The following PCGF5 variants were observed in gnomAD, a reference collection of about 807,000 sequenced individuals.
PCGF5 encodes polycomb group ring finger 5, also known as polycomb group RING finger protein 5.
Under a neutral mutation model 44.3 loss-of-function variants are expected in PCGF5, and 9 were observed. The observed-to-expected ratio is 0.20, with a 90% CI of 0.12 to 0.35. PCGF5 has a LOEUF of 0.35. Ranked by LOEUF, PCGF5 falls within the 10% of genes least tolerant of loss-of-function variation. The probability of loss-of-function intolerance (pLI) is 1.00; values close to 1 mark genes in which losing one functional copy is unlikely to be tolerated. For synonymous variants in PCGF5, 95 were observed against 102.5 expected (o/e 0.93, Z 0.44); for missense variants, 146 against 305.3 (o/e 0.48, Z 3.89).
At chr10:91,235,028 T>A (rs990579355) in intron 2 of PCGF5, among the ~76,000 whole-genome samples, 1 of 152,218 alleles carries the variant, frequency 6.6e-6, no homozygotes, top group Non-Finnish European at 1.5e-5. Flanking sequence ...TGATGATGGT[T>A]TAGCAGAGAG....
At chr10:91,176,638 C>G (rs1187642087) in intron 1 of PCGF5, among the ~76,000 whole-genome samples, 1 of 152,142 alleles carries the variant, frequency 6.6e-6, no homozygotes, top group African/African-American at 2.4e-5. Context: ...CTAAACTTCT[C>G]GCTTCATTTC....
chr10:91,161,369 G>A (rs1437021410), upstream of PCGF5, among the ~76,000 whole-genome samples: 3 of 152,224 alleles, frequency 2.0e-5, no homozygotes, highest in East Asian at 5.8e-4. Context: ...TAATGGGACT[G>A]CAAGCAGCGC....
At chr10:91,208,060 A>G (rs1212643184) in intron 1 of PCGF5, among the ~76,000 whole-genome samples, 1 of 152,210 alleles carries the variant, frequency 6.6e-6, no homozygotes, top group East Asian at 1.9e-4. Flanking sequence ...ACAACTATGT[A>G]AATATCCTCT....
chr10:91,278,118 T>A, intron 9 of PCGF5, 151 bp from the exon 10 acceptor site: 1 of 647,654 alleles, frequency 1.5e-6, no homozygotes, highest in Non-Finnish European at 2.6e-6. Context: ...AGAAATAGAG[T>A]TTTAATGGTA....
chr10:91,241,063 TTTTATTTA>T (rs888747231), intron 3 of PCGF5, among the ~76,000 whole-genome samples: 2 of 148,470 alleles, frequency 1.3e-5, no homozygotes, highest in African/African-American at 2.5e-5. Flanking sequence ...ATAATATATA[TTTTATTTA>T]TTTATTTATT....
intron 1 of PCGF5, among the ~76,000 whole-genome samples, chr10:91,195,483 T>TAG (rs751445131): frequency 0.042 from 4,277 of 102,058 alleles, 78 homozygotes; most frequent in South Asian, 0.081. Context: ...TATATATATA[T>TAG]ATAGAGAGAG....
chr10:91,237,135 G>T (rs940974449), intron 2 of PCGF5, among the ~76,000 whole-genome samples: 13 of 152,132 alleles, frequency 8.5e-5, no homozygotes, highest in African/African-American at 3.1e-4. Flanking sequence ...TCTATAAGAG[G>T]CCAAATGCTA....
chr10:91,176,054 G>C (rs1843701400), intron 1 of PCGF5, among the ~76,000 whole-genome samples: 1 of 152,150 alleles, frequency 6.6e-6, no homozygotes, highest in Non-Finnish European at 1.5e-5. Context: ...GGTACCGGTT[G>C]TTCCTTTCCA....
At chr10:91,188,130 G>A (rs895283563) in intron 1 of PCGF5, among the ~76,000 whole-genome samples, 3 of 152,226 alleles carry the variant, frequency 2.0e-5, no homozygotes, top group East Asian at 3.8e-4. Flanking sequence ...TGTGAGTGAC[G>A]CAGAAGACGG....
Position 91,226,192 on chromosome 10 carries a change from A to G in PCGF5, c.112+3209A>G, listed in dbSNP as rs1404545916. Among the ~76,000 whole-genome samples the G allele has an allele frequency of 2.0e-5, 3 of 151,690 alleles. No homozygotes were observed. In the East Asian group the frequency reaches 5.8e-4, roughly 29 times the overall value. On this transcript the variant is annotated intron_variant, in intron 2 of 9. Transcript: ENST00000336126. ...CTTACTATTCAAGTTTGAAATGCATAAATGAAGCTTTATAATTGGTGTGCA... is the reference window on the plus strand; with the variant it reads ...CTTACTATTCAAGTTTGAAATGCATGAATGAAGCTTTATAATTGGTGTGCA...
intron 2 of PCGF5, among the ~76,000 whole-genome samples, chr10:91,236,610 G>A (rs11186514): frequency 0.13 from 19,255 of 152,146 alleles, 2,256 homozygotes; most frequent in African/African-American, 0.31. Flanking sequence ...TAGAGAGTTT[G>A]GCATGAAATC....
chr10:91,214,560 C>CAT (rs2133258365), intron 1 of PCGF5, among the ~76,000 whole-genome samples: 1 of 152,282 alleles, frequency 6.6e-6, no homozygotes, highest in South Asian at 2.1e-4. Context: ...TTTGTCCAGG[C>CAT]ATATACAGGA....
chr10:91,223,079 T>C, intron 2 of PCGF5, 96 bp downstream of exon 2: 2 of 769,190 alleles, frequency 2.6e-6, no homozygotes. Flanking sequence ...ATGTTGTAAC[T>C]TTTAAGAAAT....
At chr10:91,214,260 C>A (rs185071957) in intron 1 of PCGF5, among the ~76,000 whole-genome samples, 1 of 151,732 alleles carries the variant, frequency 6.6e-6, no homozygotes, top group East Asian at 1.9e-4. Flanking sequence ...CGTGATTGCA[C>A]CACTGCATTC....
At chr10:91,161,413 A>G (rs1369826643), upstream of PCGF5, among the ~76,000 whole-genome samples, 1 of 152,248 alleles carries the variant, frequency 6.6e-6, no homozygotes, top group African/African-American at 2.4e-5. Context: ...CCCAGGAGTC[A>G]AGAAGGGTCA....
chr10:91,161,829 A>G (rs1207507050), upstream of PCGF5, among the ~76,000 whole-genome samples: 2 of 152,188 alleles, frequency 1.3e-5, no homozygotes, highest in Non-Finnish European at 2.9e-5. Flanking sequence ...CTCGGAGGCA[A>G]TATTAGTCTT....
chr10:91,187,181 C>T (rs1331705076), intron 1 of PCGF5, among the ~76,000 whole-genome samples: 1 of 152,094 alleles, frequency 6.6e-6, no homozygotes, highest in Non-Finnish European at 1.5e-5. Flanking sequence ...TATCTGGGAC[C>T]TATCTATAGT....
intron 1 of PCGF5, among the ~76,000 whole-genome samples, chr10:91,181,118 G>A (rs1665032930): frequency 6.6e-6 from 1 of 152,018 alleles, no homozygotes; most frequent in Admixed American, 6.6e-5. Context: ...ATTGTGCATG[G>A]GAGTTCATTT....
chr10:91,190,859 G>A (rs1844019783), intron 1 of PCGF5, among the ~76,000 whole-genome samples: 1 of 152,180 alleles, frequency 6.6e-6, no homozygotes. Context: ...TTTCACATCA[G>A]TTCCTGCTGT....
Sources: allele counts gnomAD v4.1 joint callset (sites outside exome capture counted in the v4.1 genomes callset), GRCh38; gene constraint gnomAD v4.1.1; transcripts MANE v1.5; gene names NCBI Gene and HGNC (gene_info 2026-07-23, HGNC 2026-07-21).